The following NPAS3 variants were observed in gnomAD, a reference collection of about 807,000 sequenced individuals.
NPAS3 encodes neuronal PAS domain protein 3, also known as neuronal PAS domain-containing protein 3.
NPAS3 carries 14 observed loss-of-function variants against 73.1 expected under a neutral mutation model. That is an observed-to-expected ratio of 0.19 (90% CI 0.13 to 0.30). NPAS3 has a LOEUF of 0.30. NPAS3 is among the 10% of genes least tolerant of loss of function. NPAS3 has a pLI of 1.00. For synonymous variants in NPAS3, 620 were observed against 541.5 expected (o/e 1.14, Z -2.01); for missense variants, 1,096 against 1,250.0 (o/e 0.88, Z 1.86).
intron 5 of NPAS3, chr14:33,612,275 T>G (rs1482321442): frequency 5.1e-6 from 2 of 392,064 alleles, no homozygotes; most frequent in Admixed American, 2.9e-5. Flanking sequence ...ACTGTTCAGC[T>G]GATCTCTCTC....
At chr14:32,947,478 A>C (rs895257895) in intron 1 of NPAS3, among the ~76,000 whole-genome samples, 9 of 152,178 alleles carry the variant, frequency 5.9e-5, no homozygotes, top group African/African-American at 2.2e-4. Flanking sequence ...TTTATTCATC[A>C]GAATCCACTT....
At chr14:33,558,864 AC>A (rs1329628352) in intron 4 of NPAS3, among the ~76,000 whole-genome samples, 1 of 137,818 alleles carries the variant, frequency 7.3e-6, no homozygotes, top group Non-Finnish European at 1.6e-5. Flanking sequence ...TTTTTTTTTA[AC>A]ACCACTCACA....
chr14:32,943,172 T>A (rs2036098008), intron 1 of NPAS3, among the ~76,000 whole-genome samples: 2 of 152,162 alleles, frequency 1.3e-5, no homozygotes, highest in South Asian at 2.1e-4. Flanking sequence ...CATTATTCGA[T>A]ACTTTTTTTT....
intron 1 of NPAS3, among the ~76,000 whole-genome samples, chr14:33,022,022 C>T (rs1335161049): frequency 6.6e-6 from 1 of 152,148 alleles, no homozygotes; most frequent in Non-Finnish European, 1.5e-5. Context: ...CTGGACATTC[C>T]AACCTGCATC....
chr14:33,204,686 A>C (rs1330462294), intron 2 of NPAS3, among the ~76,000 whole-genome samples: 2 of 152,128 alleles, frequency 1.3e-5, no homozygotes, highest in Non-Finnish European at 2.9e-5. Context: ...CTGCTTTGGG[A>C]TTCCGAGGGG....
At chr14:33,235,799 A>G (rs1474261095) in intron 3 of NPAS3, among the ~76,000 whole-genome samples, 1 of 135,084 alleles carries the variant, frequency 7.4e-6, no homozygotes, top group Admixed American at 8.2e-5. Context: ...TTCTGTTGAT[A>G]CAATTCTTTT....
intron 8 of NPAS3, among the ~76,000 whole-genome samples, chr14:33,776,520 T>TAAAAAAAA: frequency 1.3e-5 from 1 of 76,332 alleles, no homozygotes; most frequent in Admixed American, 1.8e-4. Flanking sequence ...TTTCTTCCTC[T>TAAAAAAAA]TAAAAAAAAA....
intron 4 of NPAS3, among the ~76,000 whole-genome samples, chr14:33,426,242 A>T (rs2048549915): frequency 6.6e-6 from 1 of 152,110 alleles, no homozygotes; most frequent in Admixed American, 6.5e-5. Flanking sequence ...CATGAAGAAA[A>T]ATGTGGATGC....
At chr14:33,306,423 T>C (rs1337326863) in intron 3 of NPAS3, among the ~76,000 whole-genome samples, 1 of 152,240 alleles carries the variant, frequency 6.6e-6, no homozygotes, top group African/African-American at 2.4e-5. Flanking sequence ...CCCTAATGGC[T>C]TGTAATTAAT....
intron 3 of NPAS3, among the ~76,000 whole-genome samples, chr14:33,337,282 ATGTT>A (rs1189622882): frequency 6.6e-6 from 1 of 152,074 alleles, no homozygotes; most frequent in Non-Finnish European, 1.5e-5. Flanking sequence ...TCAAATGTCC[ATGTT>A]TGTTTATTTA....
chr14:33,051,804 G>C (rs2040720521), intron 1 of NPAS3, among the ~76,000 whole-genome samples: 1 of 152,142 alleles, frequency 6.6e-6, no homozygotes, highest in South Asian at 2.1e-4. Context: ...CTGTTGCCCA[G>C]CCTGGAGTGC....
intron 7 of NPAS3, among the ~76,000 whole-genome samples, chr14:33,752,190 G>T (rs1048789711): frequency 6.6e-6 from 1 of 152,100 alleles, no homozygotes; most frequent in African/African-American, 2.4e-5. Context: ...TGAAACTTTG[G>T]TGCTTTGTAT....
At chr14:33,778,757 G>A (rs2062895414) in intron 9 of NPAS3, among the ~76,000 whole-genome samples, 185 bp downstream of exon 9, 1 of 152,200 alleles carries the variant, frequency 6.6e-6, no homozygotes. Context: ...TTGAAAGTTG[G>A]ACCTCAGGCC....
intron 5 of NPAS3, among the ~76,000 whole-genome samples, chr14:33,604,690 C>T (rs892587208): frequency 3.3e-5 from 5 of 152,058 alleles, no homozygotes; most frequent in African/African-American, 1.2e-4. Flanking sequence ...TACCAAAATA[C>T]ACCTTATTCT....
At chr14:33,450,514 A>G (rs889844737) in intron 4 of NPAS3, among the ~76,000 whole-genome samples, 6 of 152,192 alleles carry the variant, frequency 3.9e-5, no homozygotes, top group Admixed American at 1.3e-4. Flanking sequence ...TGAAAAAAAC[A>G]TCTGAGTCTA....
At chr14:33,787,691 G>A (rs1349830010) in intron 9 of NPAS3, among the ~76,000 whole-genome samples, 1 of 151,728 alleles carries the variant, frequency 6.6e-6, no homozygotes, top group Non-Finnish European at 1.5e-5. Flanking sequence ...AGAAAAGTCT[G>A]CACAGCATCA....
chr14:33,740,023 G>A (rs528459214), intron 7 of NPAS3, among the ~76,000 whole-genome samples: 37 of 152,174 alleles, frequency 2.4e-4, no homozygotes, highest in Middle Eastern at 3.4e-3. Flanking sequence ...GTGCTAAATA[G>A]CATTTTGAGA....
intron 4 of NPAS3, among the ~76,000 whole-genome samples, chr14:33,490,043 T>C (rs914041802): frequency 6.6e-6 from 1 of 152,176 alleles, no homozygotes; most frequent in African/African-American, 2.4e-5. Context: ...TTGGCTTTGC[T>C]CTATCATATT....
chr14:33,142,093 C>T (rs1239070907), intron 2 of NPAS3, among the ~76,000 whole-genome samples: 2 of 151,034 alleles, frequency 1.3e-5, no homozygotes, highest in South Asian at 2.1e-4. Flanking sequence ...TAATTAATTG[C>T]TGTGAACTGG....
Sources: allele counts gnomAD v4.1 joint callset (sites outside exome capture counted in the v4.1 genomes callset), GRCh38; gene constraint gnomAD v4.1.1; transcripts MANE v1.5; gene names NCBI Gene and HGNC (gene_info 2026-07-23, HGNC 2026-07-21).